Variants in ROR2 observed in about 807,000 individuals in gnomAD.
The protein encoded by ROR2 is tyrosine-protein kinase transmembrane receptor ROR2.
ROR2 carries 33 observed loss-of-function variants against 74.9 expected under a neutral mutation model. The observed-to-expected ratio is 0.44, with a 90% CI of 0.33 to 0.59. The LOEUF is 0.59. Among genes scored for constraint, ROR2 ranks in the 20% least tolerant of loss-of-function variants. ROR2 has a pLI of 0.02. For synonymous variants in ROR2, 586 were observed against 558.7 expected, an observed-to-expected ratio of 1.05 and a Z score of -0.69; for missense variants, 1,216 against 1,313.8, an observed-to-expected ratio of 0.93 and a Z score of 1.15.
At chr9:91,949,113 C>T (rs1009208979) in intron 1 of ROR2, among the ~76,000 whole-genome samples, 4 of 150,798 alleles carry the variant, frequency 2.7e-5, no homozygotes, top group Non-Finnish European at 4.4e-5. Flanking sequence ...CTACAGGTCC[C>T]GGGGGTCCCC....
intron 4 of ROR2, among the ~76,000 whole-genome samples, chr9:91,743,697 T>C (rs1017529920): frequency 1.3e-5 from 2 of 152,104 alleles, no homozygotes; most frequent in African/African-American, 4.8e-5. Flanking sequence ...CCTCAAAACA[T>C]TAGCAAACTG....
chr9:91,723,712 C>G lies in ROR2; in HGVS notation c.2782G>C (p.Asp928His), dbSNP rs199855010. ...TCGTCCACCTGCAGAGTGTCACAGTCCCCCAGCAGCTCAGTCTCTGGGACA... is the reference window on the plus strand; with the variant it reads ...TCGTCCACCTGCAGAGTGTCACAGTGCCCCAGCAGCTCAGTCTCTGGGACA... ...GSVPETELLGDCDTLQVDEAQ... is the reference protein window; with the variant it reads ...GSVPETELLGHCDTLQVDEAQ... The change falls in exon 9 of 9, where the codon GAC becomes CAC. Residue 928 changes from aspartate (D) to histidine (H), a missense_variant. Coordinates refer to ENST00000375708, the MANE Select transcript of ROR2 (RefSeq NM_004560.4). 1.1e-5 allele frequency: 17 copies of G among 1,613,910 alleles called. No homozygotes were observed. The Admixed American group carries it at 2.0e-4, about 19-fold the overall frequency.
Position 91,757,574 on chromosome 9 carries a change from G to T in ROR2, c.176-15C>A. ...CAGAAAGTAACCTGCCAAGGAGAGC[G>T]GTCACAAAAGAGCAAGCGTCAGTGA... is the stretch of plus-strand genomic sequence containing the variant. On this transcript the variant is annotated splice_polypyrimidine_tract_variant and intron_variant, in intron 2 of 8. Coordinates refer to ENST00000375708, the MANE Select transcript of ROR2 (RefSeq NM_004560.4). 6.2e-7 allele frequency: 1 copy of T among 1,611,444 alleles called. No individual in the cohort carries two copies. Among genetic ancestry groups the T allele is most frequent in the Non-Finnish European group, 8.5e-7 (1 of 1,179,088 alleles).
chr9:91,938,508 G>A (rs1194569506), intron 1 of ROR2, among the ~76,000 whole-genome samples: 1 of 152,136 alleles, frequency 6.6e-6, no homozygotes, highest in African/African-American at 2.4e-5. Flanking sequence ...TGTAATCTTA[G>A]CTATGTGGGA....
intron 1 of ROR2, among the ~76,000 whole-genome samples, chr9:91,863,250 T>C (rs1334698121): frequency 6.6e-6 from 1 of 152,158 alleles, no homozygotes; most frequent in Admixed American, 6.5e-5. Context: ...GGTTCTGAAC[T>C]CCTGGCCTCA....
intron 1 of ROR2, among the ~76,000 whole-genome samples, chr9:91,882,017 T>A (rs575151380): frequency 6.6e-6 from 1 of 152,096 alleles, no homozygotes. Context: ...CTCCTTGTCA[T>A]GTACAGGGAG....
In ROR2 at chr9:91,723,702, G is replaced by A; in HGVS notation, c.2792C>T (p.Thr931Ile). Residue 931 changes from threonine (T) to isoleucine (I), a missense_variant, in exon 9 of 9, where the codon ACT becomes ATT. Thr to Ile is a moderately conservative substitution (Grantham distance 89, BLOSUM62 -1). Transcript: ENST00000375708. ...PETELLGDCD[T>I]LQVDEAQVQL... ...GACTTGGGCCTCGTCCACCTGCAGA[G>A]TGTCACAGTCCCCCAGCAGCTCAGT... The A allele has an allele frequency of 6.2e-7, 1 of 1,614,018 alleles. No individual in the cohort carries two copies. The highest frequency in any genetic ancestry group is 8.5e-7 in the Non-Finnish European group (1 of 1,180,038).
At chr9:91,810,027 A>G (rs1387462790) in intron 1 of ROR2, among the ~76,000 whole-genome samples, 2 of 152,230 alleles carry the variant, frequency 1.3e-5, no homozygotes, top group Non-Finnish European at 2.9e-5. Flanking sequence ...CAGCGACTAA[A>G]TCGGCCACGC....
chr9:91,835,852 C>T (rs1828595979), intron 1 of ROR2, among the ~76,000 whole-genome samples: 1 of 152,210 alleles, frequency 6.6e-6, no homozygotes, highest in Non-Finnish European at 1.5e-5. Context: ...CACAAAAACA[C>T]TCTCACGAGA....
chr9:91,889,377 A>G (rs1387399573), intron 1 of ROR2, among the ~76,000 whole-genome samples: 2 of 152,228 alleles, frequency 1.3e-5, no homozygotes, highest in African/African-American at 4.8e-5. Flanking sequence ...TCTCAAATCT[A>G]TACCATGAAG....
intron 1 of ROR2, among the ~76,000 whole-genome samples, chr9:91,872,011 T>C (rs1829812724): frequency 6.6e-6 from 1 of 152,214 alleles, no homozygotes; most frequent in African/African-American, 2.4e-5. Context: ...CCCACAGAAC[T>C]GTGTGCTGTA....
chr9:91,839,279 T>TACAGGC (rs1161371079), intron 1 of ROR2, among the ~76,000 whole-genome samples: 6 of 136,492 alleles, frequency 4.4e-5, no homozygotes, highest in African/African-American at 1.7e-4. Flanking sequence ...TGTGTGTGTG[T>TACAGGC]GTGTGTGTGT....
intron 1 of ROR2, among the ~76,000 whole-genome samples, chr9:91,888,252 A>G (rs1830339435): frequency 2.0e-5 from 3 of 152,166 alleles, no homozygotes; most frequent in South Asian, 4.1e-4. Context: ...GTCTCCTCCT[A>G]GTGAACTGCC....
intron 1 of ROR2, among the ~76,000 whole-genome samples, chr9:91,915,576 G>T (rs1014059569): frequency 1.3e-5 from 2 of 151,748 alleles, no homozygotes; most frequent in African/African-American, 4.8e-5. Context: ...TTATTGTGAA[G>T]AGCGAAAGAA....
At chr9:91,746,712 G>A (rs1373552263) in intron 4 of ROR2, among the ~76,000 whole-genome samples, 1 of 152,198 alleles carries the variant, frequency 6.6e-6, no homozygotes, top group African/African-American at 2.4e-5. Context: ...CATCTGGATG[G>A]AGAACGGCTG....
chr9:91,803,754 C>T (rs762196480), intron 1 of ROR2, among the ~76,000 whole-genome samples: 1 of 152,146 alleles, frequency 6.6e-6, no homozygotes, highest in Non-Finnish European at 1.5e-5. Context: ...GGCGTACACA[C>T]AGATGTGCCT....
rs1354518035 is a variant in ROR2 at position 91,722,869 on chromosome 9, A to G, written c.*793T>C. 1 of 507,292 alleles carries G rather than the reference A, an allele frequency of 2.0e-6. No homozygotes were observed. The highest frequency in any genetic ancestry group is 3.4e-5 in the East Asian group (1 of 29,180). The allele number at this position is 507,292 out of a possible 1,614,324, so 31.4% of individuals were successfully genotyped here. ...TATTAAAAACATATAAATTACATTT[A>G]AGCTCTGTACATGATTCTTAACAAA... is the stretch of plus-strand genomic sequence containing the variant. On this transcript the variant is annotated 3_prime_UTR_variant, in exon 9 of 9. Coordinates refer to ENST00000375708, the MANE Select transcript of ROR2 (RefSeq NM_004560.4).
intron 1 of ROR2, among the ~76,000 whole-genome samples, chr9:91,778,769 C>T (rs1826509288): frequency 6.6e-6 from 1 of 152,130 alleles, no homozygotes; most frequent in Non-Finnish European, 1.5e-5. Flanking sequence ...GACTTTTCTC[C>T]GCTGGACCTG....
chr9:91,926,513 T>A (rs1831402674), intron 1 of ROR2, among the ~76,000 whole-genome samples: 1 of 133,646 alleles, frequency 7.5e-6, no homozygotes, highest in South Asian at 2.5e-4. Context: ...ACCACTGCAC[T>A]CCAGCCTGGG....
Sources: gnomAD v4.1 joint callset for allele counts (sites outside exome capture counted in the v4.1 genomes callset) on GRCh38, gnomAD v4.1.1 for gene constraint, MANE v1.5 for transcripts, NCBI Gene and HGNC (gene_info 2026-07-23, HGNC 2026-07-21) for gene names.